Variants in XPO7 observed in about 807,000 individuals in gnomAD.
XPO7 encodes the protein exportin-7.
In XPO7, 21 loss-of-function variants were observed where a neutral mutation model predicts 144.3. The observed-to-expected ratio is 0.15, with a 90% confidence interval of 0.10 to 0.21. The LOEUF (loss-of-function observed/expected upper bound fraction) is 0.21, where lower values mean the gene tolerates loss of function less well. Among genes scored for constraint, XPO7 ranks in the 10% least tolerant of loss-of-function variants. XPO7 has a pLI of 1.00. For synonymous variants in XPO7, 580 were observed against 499.6 expected (o/e 1.16, Z -2.15); for missense variants, 808 against 1,325.8 (o/e 0.61, Z 6.06).
At chr8:21,984,178 C>T (rs890954866) in intron 11 of XPO7, among the ~76,000 whole-genome samples, 8 of 152,002 alleles carry the variant, frequency 5.3e-5, no homozygotes, top group African/African-American at 1.9e-4. Context: ...CCACAAAGCC[C>T]ATCAAGGGTT....
At chr8:21,961,947 G>A (rs1204603660) in intron 1 of XPO7, among the ~76,000 whole-genome samples, 1 of 152,232 alleles carries the variant, frequency 6.6e-6, no homozygotes, top group Middle Eastern at 3.2e-3. Flanking sequence ...ACAGGCATGA[G>A]CCACCACGCC....
At chr8:22,001,195 A>C (rs1461008158) in intron 24 of XPO7, among the ~76,000 whole-genome samples, 1 of 151,452 alleles carries the variant, frequency 6.6e-6, no homozygotes, top group Non-Finnish European at 1.5e-5. Flanking sequence ...AGTCCCAGCT[A>C]CTCTGGAGGC....
intron 1 of XPO7, among the ~76,000 whole-genome samples, chr8:21,940,298 A>G (rs1177159284): frequency 5.3e-5 from 8 of 152,268 alleles, no homozygotes; most frequent in Non-Finnish European, 1.5e-5. Context: ...AAACCAATAG[A>G]TAACTAAATA....
chr8:21,994,576 C>A, intron 20 of XPO7, 125 bp downstream of exon 20: 1 of 850,786 alleles, frequency 1.2e-6, no homozygotes, highest in Non-Finnish European at 1.8e-6. Context: ...AAGAGTTAGC[C>A]AGAAGGCCTG....
chr8:21,982,872 G>A (rs1199472166), intron 11 of XPO7, 60 bp downstream of exon 11: 32 of 1,522,036 alleles, frequency 2.1e-5, no homozygotes, highest in African/African-American at 5.6e-5. Flanking sequence ...ACTTCCTAGA[G>A]ATCAGACACC....
At position 21,982,568 on chromosome 8, in the gene XPO7, C is replaced by G. The variant is rs563020002; in HGVS notation, c.1105-72C>G. On this transcript the variant is annotated intron_variant, in intron 10 of 27. Transcript: ENST00000252512. ...AAAAAAAGAAAAAAGTCTTTATCTT[C>G]TGTGTCAGTGGCATGGGACTAACAC... 16 of 1,472,804 alleles carry G rather than the reference C, an allele frequency of 1.1e-5. No homozygotes were observed. In the East Asian group the frequency reaches 3.5e-4, roughly 32 times the overall value. The allele number at this position is 1,472,804 out of a possible 1,614,324, so 91.2% of individuals were successfully genotyped here.
chr8:21,949,803 C>T (rs905168225), intron 1 of XPO7, among the ~76,000 whole-genome samples: 5 of 152,214 alleles, frequency 3.3e-5, no homozygotes, highest in Admixed American at 2.6e-4. Flanking sequence ...CATCTCGGCT[C>T]ACTGTACCCT....
intron 1 of XPO7, among the ~76,000 whole-genome samples, chr8:21,960,891 G>A (rs1014221177): frequency 6.6e-6 from 1 of 152,110 alleles, no homozygotes; most frequent in Non-Finnish European, 1.5e-5. Flanking sequence ...AAAAGTAATC[G>A]ATGACAATAA....
intron 5 of XPO7, among the ~76,000 whole-genome samples, chr8:21,974,206 TA>T (rs1184235704): frequency 6.9e-6 from 1 of 145,782 alleles, no homozygotes; most frequent in African/African-American, 2.5e-5. Context: ...TTTTTATTTT[TA>T]TTTTTTTTAG....
At chr8:21,970,083 C>T in intron 3 of XPO7, 61 bp from the exon 4 acceptor site, 1 of 1,551,928 alleles carries the variant, frequency 6.4e-7, no homozygotes, top group Non-Finnish European at 8.7e-7. Context: ...AGATATACAC[C>T]CTTCTCTGGC....
chr8:21,980,300 C>T, intron 9 of XPO7, 97 bp downstream of exon 9: 1 of 1,398,894 alleles, frequency 7.1e-7, no homozygotes, highest in Non-Finnish European at 9.5e-7. Flanking sequence ...GTAAACAATT[C>T]AGTCTGTTCT....
At chr8:21,937,647 A>T (rs978543945) in intron 1 of XPO7, among the ~76,000 whole-genome samples, 7 of 152,164 alleles carry the variant, frequency 4.6e-5, no homozygotes, top group African/African-American at 1.7e-4. Context: ...AGGTTCACTG[A>T]AATCATCAGA....
At chr8:21,935,037 CTAAAG>C (rs1223769299) in intron 1 of XPO7, among the ~76,000 whole-genome samples, 5 of 151,986 alleles carry the variant, frequency 3.3e-5, no homozygotes, top group African/African-American at 1.2e-4. Context: ...AAATGATAAA[CTAAAG>C]TAAGGACATT....
chr8:22,004,168 C>A, intron 27 of XPO7, 138 bp downstream of exon 27: 1 of 1,074,878 alleles, frequency 9.3e-7, no homozygotes, highest in Non-Finnish European at 1.3e-6. Context: ...GAAAAGTGAG[C>A]CATGTTAAAC....
chr8:22,004,911 C>T, intron 27 of XPO7, 84 bp from the exon 28 acceptor site: 1 of 776,114 alleles, frequency 1.3e-6, no homozygotes, highest in Non-Finnish European at 2.0e-6. Context: ...ATTCTACTTC[C>T]CATGCTTTAA....
chr8:21,942,403 G>C (rs1811022027), intron 1 of XPO7, among the ~76,000 whole-genome samples: 3 of 152,178 alleles, frequency 2.0e-5, no homozygotes, highest in Admixed American at 6.5e-5. Flanking sequence ...ACATTATTGT[G>C]AGAAGCTTTT....
intron 1 of XPO7, among the ~76,000 whole-genome samples, chr8:21,936,485 A>T (rs2117259349): frequency 6.6e-6 from 1 of 152,348 alleles, no homozygotes; most frequent in South Asian, 2.1e-4. Context: ...CTCTAAAGAT[A>T]GTCTCAAAAG....
chr8:21,951,390 T>C (rs2117290586), intron 1 of XPO7, among the ~76,000 whole-genome samples: 1 of 152,266 alleles, frequency 6.6e-6, no homozygotes, highest in East Asian at 1.9e-4. Flanking sequence ...TTTATAGTAT[T>C]TATCACCTGC....
At chr8:21,954,843 A>C (rs1341057262) in intron 1 of XPO7, among the ~76,000 whole-genome samples, 1 of 152,184 alleles carries the variant, frequency 6.6e-6, no homozygotes, top group Non-Finnish European at 1.5e-5. Flanking sequence ...TTTAGAAGTC[A>C]GTTGTTTGAC....
Sources: gnomAD v4.1 joint callset for allele counts (sites outside exome capture counted in the v4.1 genomes callset) on GRCh38, gnomAD v4.1.1 for gene constraint, MANE v1.5 for transcripts, NCBI Gene and HGNC (gene_info 2026-07-23, HGNC 2026-07-21) for gene names.